The following TRIO variants were observed in gnomAD, a reference collection of about 807,000 sequenced individuals.
TRIO encodes the protein triple functional domain protein.
Under a neutral mutation model 351.9 loss-of-function variants are expected in TRIO, and 58 were observed. That is an observed-to-expected ratio of 0.16 (90% confidence interval 0.13 to 0.21). The LOEUF (loss-of-function observed/expected upper bound fraction) is 0.21. Ranked by LOEUF, TRIO falls within the 10% of genes least tolerant of loss-of-function variation. TRIO has a pLI of 1.00. For missense variants in TRIO, 3,201 were observed against 4,027.8 expected (o/e 0.79, Z 5.56); for synonymous variants, 1,758 against 1,595.7 (o/e 1.10, Z -2.42).
chr5:14,397,130 G>A lies in TRIO; in HGVS notation c.4399G>A (p.Ala1467Thr). ...CAGCGTGCCGAAGCGAGCCAATGAT[G>A]CCATGCACCTCAGCATGCTGGAAGG... ...MLSVPKRAND[A>T]MHLSMLEGFD... Residue 1467 changes from alanine to threonine, a missense_variant, in exon 29 of 57, where the codon GCC (alanine) becomes ACC (threonine). Physicochemically the swap from Ala to Thr is moderately conservative, Grantham distance 58 (BLOSUM62 0). Transcript: ENST00000344204. The A allele has an allele frequency of 1.9e-6, 3 of 1,608,130 alleles. No homozygotes were observed. The highest frequency in any genetic ancestry group is 1.1e-5 in the South Asian group (1 of 88,754).
At chr5:14,502,018 A>C (rs1475609391) in intron 53 of TRIO, among the ~76,000 whole-genome samples, 1 of 152,208 alleles carries the variant, frequency 6.6e-6, no homozygotes, top group African/African-American at 2.4e-5. Flanking sequence ...TACAGTTGGC[A>C]CTTTTATAAT....
chr5:14,488,621 G>A, intron 48 of TRIO: 1 of 495,546 alleles, frequency 2.0e-6, no homozygotes, highest in Non-Finnish European at 3.6e-6. Context: ...TCTACCTCCT[G>A]TTTAAATTGA....
chr5:14,201,123 T>C (rs1791080279), intron 1 of TRIO, among the ~76,000 whole-genome samples: 1 of 152,032 alleles, frequency 6.6e-6, no homozygotes, highest in Non-Finnish European at 1.5e-5. Context: ...AGCCGGGCGT[T>C]GTGCCACGTT....
intron 34 of TRIO, among the ~76,000 whole-genome samples, chr5:14,434,882 C>T (rs1043603269): frequency 2.1e-4 from 32 of 152,232 alleles, no homozygotes; most frequent in South Asian, 2.1e-4. Flanking sequence ...TTAAGGCATA[C>T]TGGTCCTTTC....
Position 14,483,843 on chromosome 5 carries a change from T to C in TRIO, c.6657+1070T>C, listed in dbSNP as rs144969267. On this transcript the variant is annotated intron_variant, in intron 46 of 56. Transcript: ENST00000344204. ...AGACCCTCTGGGCTCACCACTACAC[T>C]TGAGCCTCCCATCCCCTGAACTGTG... Among the ~76,000 whole-genome samples the C allele has an allele frequency of 2.2e-4, 33 of 152,260 alleles. No individual in the cohort carries two copies. The South Asian group carries it at 3.3e-3, about 15-fold the overall frequency.
intron 1 of TRIO, among the ~76,000 whole-genome samples, chr5:14,248,598 C>CT (rs1794570943): frequency 6.6e-6 from 1 of 152,220 alleles, no homozygotes; most frequent in Non-Finnish European, 1.5e-5. Context: ...AGTCAGTTTC[C>CT]TGAGGGGAGC....
chr5:14,479,170 T>A lies in TRIO; in HGVS notation c.6154-91T>A. The A allele has an allele frequency of 3.6e-6, 4 of 1,100,340 alleles. No homozygotes were observed. In the South Asian group the frequency reaches 5.2e-5, roughly 14 times the overall value. The allele number at this position is 1,100,340 out of a possible 1,614,324, so 68.2% of individuals were successfully genotyped here. ...GCAGCTTGGTTTTAAGATGAGTGCC[T>A]TTATGAATGTGCTGAAATGTGCGGG... On this transcript the variant is annotated intron_variant, in intron 41 of 56. Transcript: ENST00000344204.
At chr5:14,487,370 A>G in intron 47 of TRIO, 94 bp from the exon 48 acceptor site, 3 of 1,065,846 alleles carry the variant, frequency 2.8e-6, no homozygotes, top group Non-Finnish European at 3.5e-6. Flanking sequence ...GGTCTGCCCC[A>G]TGACCCATCC....
At chr5:14,500,409 C>T (rs1225907052) in intron 53 of TRIO, among the ~76,000 whole-genome samples, 3 of 152,194 alleles carry the variant, frequency 2.0e-5, no homozygotes, top group African/African-American at 7.2e-5. Flanking sequence ...GGAAACAAAG[C>T]CTTATTCTCA....
chr5:14,488,769 A>G (rs939616065), intron 48 of TRIO: 2 of 594,770 alleles, frequency 3.4e-6, no homozygotes, highest in Non-Finnish European at 6.0e-6. Flanking sequence ...CTCAAAGCAA[A>G]CTAAGATGAA....
At position 14,480,008 on chromosome 5, in the gene TRIO, G is replaced by T. The variant is rs760267555; in HGVS notation, c.6333G>T (p.Leu2111=). 1 of 1,614,036 alleles carries T rather than the reference G, an allele frequency of 6.2e-7. No homozygotes were observed. The part of the protein sequence containing the change: ...VQRIMKYQLL[L]KDFLKYSKKA... ...GAATCATGAAGTATCAGCTGTTACTGAAGGTGAGGAGGTGGCGGGACAAAC... is the reference window on the plus strand; with the variant it reads ...GAATCATGAAGTATCAGCTGTTACTTAAGGTGAGGAGGTGGCGGGACAAAC... The change falls in exon 43 of 57, where the codon CTG becomes CTT. Residue 2111 remains leucine (L), a synonymous_variant. Coordinates refer to ENST00000344204, the MANE Select transcript of TRIO (RefSeq NM_007118.4).
chr5:14,170,300 TATA>T (rs1243147263), intron 1 of TRIO, among the ~76,000 whole-genome samples: 1 of 152,170 alleles, frequency 6.6e-6, no homozygotes, highest in African/African-American at 2.4e-5. Flanking sequence ...ATGGAGAGAT[TATA>T]GTAGTTTGTA....
intron 9 of TRIO, among the ~76,000 whole-genome samples, chr5:14,325,482 C>A (rs1311196799): frequency 6.6e-6 from 1 of 152,122 alleles, no homozygotes; most frequent in East Asian, 1.9e-4. Flanking sequence ...CTCTTTTCAA[C>A]AATGAGCTCT....
Position 14,143,863 on chromosome 5 carries a change from C to G in TRIO, c.138C>G (p.Ile46Met), listed in dbSNP as rs1244944340. 12 of 1,075,422 alleles carry G rather than the reference C, an allele frequency of 1.1e-5. No homozygotes were observed. The highest frequency in any genetic ancestry group is 1.3e-5 in the Non-Finnish European group (12 of 889,114). 66.6% of individuals were successfully genotyped at this position (1,075,422 alleles called of 1,614,324 possible). A position where few individuals can be genotyped will look rare whatever the true frequency, so the allele number is the denominator to read the frequency against. ...AGGCGGCCAAGGACCTGGCCGACAT[C>G]GCGGCCTTCTTCCGATCCGGTGAGT... Reference protein sequence around the residue: ...AEEAAKDLADIAAFFRSGFRK... With the variant: ...AEEAAKDLADMAAFFRSGFRK... Residue 46 changes from isoleucine (I) to methionine (M), a missense_variant, in exon 1 of 57, where the codon ATC becomes ATG. Coordinates refer to ENST00000344204, the MANE Select transcript of TRIO (RefSeq NM_007118.4).
intron 48 of TRIO, chr5:14,489,251 C>T (rs920777815): frequency 6.1e-6 from 3 of 493,854 alleles, no homozygotes; most frequent in African/African-American, 3.8e-5. Context: ...CTTATCCTTT[C>T]CTACTATTTT....
At chr5:14,329,342 G>A (rs1195179335) in intron 9 of TRIO, among the ~76,000 whole-genome samples, 1 of 152,202 alleles carries the variant, frequency 6.6e-6, no homozygotes, top group Non-Finnish European at 1.5e-5. Flanking sequence ...AGAAGAGGTG[G>A]GGCTTCCAGG....
chr5:14,388,688 G>GTTTTTTTTTTTTTTTTTTTTTTTTTTTT lies in TRIO; in HGVS notation c.3948+27_3948+28insTTTTTTTTTTTTTTTTTTTTTTTTTTTT. 1 of 1,440,392 alleles carries GTTTTTTTTTTTTTTTTTTTTTTTTTTTT rather than the reference G, an allele frequency of 6.9e-7. No homozygotes were observed. Among genetic ancestry groups the GTTTTTTTTTTTTTTTTTTTTTTTTTTTT allele is most frequent in the African/African-American group, 1.6e-5 (1 of 63,216 alleles). 89.2% of individuals were successfully genotyped at this position (1,440,392 alleles called of 1,614,324 possible). On this transcript the variant is annotated intron_variant, in intron 24 of 56. Coordinates refer to ENST00000344204, the MANE Select transcript of TRIO (RefSeq NM_007118.4). ...TCCGGGAATGTATGGATGTAAGTAA[G>GTTTTTTTTTTTTTTTTTTTTTTTTTTTT]TTTTTTTTTTTTTTTTTTGCTTGTT...
intron 1 of TRIO, among the ~76,000 whole-genome samples, chr5:14,156,332 C>G (rs568974618): frequency 1.3e-5 from 2 of 152,276 alleles, no homozygotes; most frequent in South Asian, 4.1e-4. Context: ...TTTAGAAACA[C>G]GATCTAGGCA....
chr5:14,203,920 G>C (rs1561198004), intron 1 of TRIO, among the ~76,000 whole-genome samples: 2 of 152,170 alleles, frequency 1.3e-5, no homozygotes, highest in African/African-American at 4.8e-5. Flanking sequence ...CTCAAACCTG[G>C]TAGCTTTTTC....
Sources: gnomAD v4.1 joint callset for allele counts (sites outside exome capture counted in the v4.1 genomes callset) on GRCh38, gnomAD v4.1.1 for gene constraint, MANE v1.5 for transcripts, NCBI Gene and HGNC (gene_info 2026-07-23, HGNC 2026-07-21) for gene names.